The following USP20 variants were observed in gnomAD, a reference collection of about 807,000 sequenced individuals.
USP20 encodes ubiquitin specific peptidase 20, also known as ubiquitin carboxyl-terminal hydrolase 20.
A neutral mutation model predicts 124.2 loss-of-function variants in USP20; 80 were observed. The ratio of observed to expected loss-of-function variants is 0.64; its 90% CI spans 0.54 to 0.78. USP20 has a LOEUF of 0.78. USP20 is among the 30% of genes least tolerant of loss of function. USP20 has a pLI of 0.00. For missense variants in USP20, 1,043 were observed against 1,244.4 expected, an observed-to-expected ratio of 0.84 and a Z score of 2.44; for synonymous variants, 481 against 512.3, an observed-to-expected ratio of 0.94 and a Z score of 0.83.
chr9:129,836,103 CCT>C (rs2031814575), intron 1 of USP20, among the ~76,000 whole-genome samples: 1 of 152,192 alleles, frequency 6.6e-6, no homozygotes, highest in African/African-American at 2.4e-5. Context: ...GTCGCTCTAC[CCT>C]CTGCCCCTTC....
Position 129,868,318 on chromosome 9 carries a change from G to T in USP20, c.1004G>T (p.Gly335Val), listed in dbSNP as rs2033926794. Residue 335 changes from glycine to valine, a missense_variant, in exon 11 of 26, where the codon GGC becomes GTC. Gly to Val is a moderately radical substitution (Grantham distance 109, BLOSUM62 -3). Coordinates refer to ENST00000372429, the MANE Select transcript of USP20 (RefSeq NM_001110303.4). ...ATGAAGGACCGCAAGTTCTCCTGGG[G>T]CCAGCAGCGTACAAACTCGGAGCAA... ...ERMKDRKFSWGQQRTNSEQVD... is the reference protein window; with the variant it reads ...ERMKDRKFSWVQQRTNSEQVD... 2 of 1,613,830 alleles carry T rather than the reference G, an allele frequency of 1.2e-6. No individual in the cohort carries two copies. The highest frequency in any genetic ancestry group is 8.5e-7 in the Non-Finnish European group (1 of 1,179,962).
At chr9:129,870,847 G>A (rs1208651877) in intron 15 of USP20, among the ~76,000 whole-genome samples, 2 of 152,122 alleles carry the variant, frequency 1.3e-5, no homozygotes, top group African/African-American at 4.8e-5. Flanking sequence ...TTACTGATGA[G>A]TTTCTACATT....
In USP20 at chr9:129,869,406, A is replaced by G; in HGVS notation, c.1373A>G (p.Gln458Arg). Residue 458 changes from glutamine to arginine, a missense_variant, in exon 13 of 26, where the codon CAG becomes CGG. By Grantham distance (43) the Gln-to-Arg change is conservative. Transcript: ENST00000372429. ...IFDGSILSLV[Q>R]CLTCDRVSTT... The stretch of plus-strand genomic sequence containing the variant: ...GACGGCTCCATTCTCAGCCTTGTGC[A>G]GTGTCTCACCTGTGACCGGGTGGGT... 5 of 1,613,588 alleles carry G rather than the reference A, an allele frequency of 3.1e-6. No individual in the cohort carries two copies. Among genetic ancestry groups the G allele is most frequent in the Non-Finnish European group, 4.2e-6 (5 of 1,179,934 alleles).
In USP20 at chr9:129,878,768, C is replaced by G. The variant is rs529589197; in HGVS notation, c.2512+328C>G. Among the ~76,000 whole-genome samples, 3 of 152,344 alleles carry G rather than the reference C, an allele frequency of 2.0e-5. No individual in the cohort carries two copies. The East Asian group carries it at 5.8e-4, about 29-fold the overall frequency. ...AAATGACAGATTTGTCATCTGACTC[C>G]TTGGATTTACAGAGGTGGAGACAGG... is the stretch of plus-strand genomic sequence containing the variant. On this transcript the variant is annotated intron_variant, in intron 23 of 25. Coordinates refer to ENST00000372429, the MANE Select transcript of USP20 (RefSeq NM_001110303.4).
At chr9:129,845,560 T>G (rs55837539) in intron 1 of USP20, among the ~76,000 whole-genome samples, 24,514 of 152,120 alleles carry the variant, frequency 0.16, 2,484 homozygotes, top group African/African-American at 0.28. Flanking sequence ...TAGAGATGGG[T>G]TCTTGCTCTG....
intron 1 of USP20, among the ~76,000 whole-genome samples, chr9:129,848,782 A>G (rs1375809883): frequency 1.3e-5 from 2 of 152,358 alleles, no homozygotes; most frequent in South Asian, 4.1e-4. Flanking sequence ...GTGTAAGACT[A>G]GTGCCGACTC....
chr9:129,867,486 G>A (rs1263983238), intron 10 of USP20, among the ~76,000 whole-genome samples: 1 of 152,158 alleles, frequency 6.6e-6, no homozygotes, highest in East Asian at 1.9e-4. Context: ...GGAGCAGGGG[G>A]AGCCAGAGGA....
rs115623893 is a variant in USP20, at chr9:129,863,655, G to A, written c.611+356G>A. Among the ~76,000 whole-genome samples the A allele has an allele frequency of 6.8e-3, 1,024 of 150,746 alleles. 15 individuals carry two copies. Among genetic ancestry groups the A allele is most frequent in the African/African-American group, 0.024 (983 of 40,998 alleles). On this transcript the variant is annotated intron_variant, in intron 9 of 25. Transcript: ENST00000372429. ...GACTGTGTGTGTAGAAGGAGGTGTG[G>A]GGCAGGGGAGCACAGACTGGATGGA... is the stretch of plus-strand genomic sequence containing the variant.
intron 9 of USP20, among the ~76,000 whole-genome samples, chr9:129,864,138 A>G (rs1306876968): frequency 6.6e-6 from 1 of 151,436 alleles, no homozygotes; most frequent in African/African-American, 2.4e-5. Flanking sequence ...ACAAACCAGC[A>G]TGGGAGAAAT....
chr9:129,861,071 G>C (rs1452219611), intron 7 of USP20, 38 bp downstream of exon 7: 1 of 1,596,978 alleles, frequency 6.3e-7, no homozygotes, highest in South Asian at 1.1e-5. Context: ...GATGGGCTGG[G>C]CTGGGGGCCC....
intron 6 of USP20, among the ~76,000 whole-genome samples, chr9:129,859,845 G>A (rs2033443236): frequency 6.6e-6 from 1 of 152,074 alleles, no homozygotes; most frequent in South Asian, 2.1e-4. Flanking sequence ...GACCAGCCTG[G>A]GCAACAGCGT....
Position 129,865,184 on chromosome 9 carries a change from C to T in USP20, c.612-119C>T, listed in dbSNP as rs570090866. 52 of 1,050,184 alleles carry T rather than the reference C, an allele frequency of 5.0e-5. No individual in the cohort carries two copies. In the Admixed American group the frequency reaches 9.1e-4, roughly 18 times the overall value. 65.1% of individuals were successfully genotyped at this position (1,050,184 alleles called of 1,614,324 possible). A position where few individuals can be genotyped will look rare whatever the true frequency, so the allele number is the denominator to read the frequency against. ...GGGGCTCCTGGCTGAGTAGGCCCCTCCCCAAATGTCAGGAAACGCCACACT... is the reference window on the plus strand; with the variant it reads ...GGGGCTCCTGGCTGAGTAGGCCCCTTCCCAAATGTCAGGAAACGCCACACT... On this transcript the variant is annotated intron_variant, in intron 9 of 25. Coordinates refer to ENST00000372429, the MANE Select transcript of USP20 (RefSeq NM_001110303.4).
chr9:129,841,332 A>T (rs1004309023), intron 1 of USP20, among the ~76,000 whole-genome samples: 1 of 152,280 alleles, frequency 6.6e-6, no homozygotes, highest in East Asian at 1.9e-4. Flanking sequence ...GATACCAGTA[A>T]GATTAGATTA....
At chr9:129,858,150 G>C in intron 5 of USP20, 38 bp downstream of exon 5, 2 of 1,606,596 alleles carry the variant, frequency 1.2e-6, no homozygotes, top group Middle Eastern at 1.7e-4. Flanking sequence ...CCTGCAGTTA[G>C]ATGGCCTGGG....
Position 129,878,440 on chromosome 9 carries a change from G to A in USP20, c.2512G>A (p.Glu838Lys), listed in dbSNP as rs370397090. ...WEAFVKGKDNEPPGPIDNSRI... is the reference protein window; with the variant it reads ...WEAFVKGKDNKPPGPIDNSRI... ...GGCGTTCGTCAAGGGGAAGGACAAC[G>A]GTGAGCTGAGGGGGGACCTGGCACT... The change falls in exon 23 of 26, where the codon GAG (glutamate) becomes AAG (lysine). Residue 838 changes from glutamate to lysine, a missense_variant and splice_region_variant. Glu to Lys is a moderately conservative substitution (Grantham distance 56). Transcript: ENST00000372429. The A allele has an allele frequency of 1.0e-5, 16 of 1,601,984 alleles. No individual in the cohort carries two copies. Among genetic ancestry groups the A allele is most frequent in the East Asian group, 2.2e-5 (1 of 44,556 alleles).
chr9:129,874,698 A>AT lies in USP20; in HGVS notation c.1864dup (p.Ser622PhefsTer39). 1 of 1,613,862 alleles carries AT rather than the reference A, an allele frequency of 6.2e-7. No homozygotes were observed. Among genetic ancestry groups the AT allele is most frequent in the Non-Finnish European group, 8.5e-7 (1 of 1,179,986 alleles). ...GCCCCTTCCTTGCCAAGGAGTGCAC[A>AT]TCCCAGATCACCACCTACGACCTCC... On this transcript the variant is annotated frameshift_variant, in exon 18 of 26. Coordinates refer to ENST00000372429, the MANE Select transcript of USP20 (RefSeq NM_001110303.4). LOFTEE classifies it high-confidence loss of function.
intron 6 of USP20, among the ~76,000 whole-genome samples, chr9:129,859,444 T>C (rs1331886885): frequency 2.0e-5 from 3 of 150,714 alleles, no homozygotes; most frequent in Non-Finnish European, 4.4e-5. Flanking sequence ...TGGCTAATTT[T>C]CATATTTTTA....
intron 19 of USP20, 46 bp downstream of exon 19, chr9:129,875,001 C>T (rs2034321554): frequency 2.5e-6 from 4 of 1,599,768 alleles, no homozygotes; most frequent in South Asian, 2.2e-5. Flanking sequence ...CCATCCCCGT[C>T]CCCTGGGACC....
chr9:129,850,692 G>A (rs2032866199), intron 2 of USP20, among the ~76,000 whole-genome samples: 2 of 152,134 alleles, frequency 1.3e-5, no homozygotes, highest in South Asian at 4.1e-4. Flanking sequence ...TTGCGCTCTT[G>A]TTGCCTAGGC....
Sources: allele counts gnomAD v4.1 joint callset (sites outside exome capture counted in the v4.1 genomes callset), GRCh38; gene constraint gnomAD v4.1.1; transcripts MANE v1.5; gene names NCBI Gene and HGNC (gene_info 2026-07-23, HGNC 2026-07-21).